BMP2K: variants seen among roughly 807,000 people sequenced by gnomAD.
BMP2K encodes BMP-2-inducible protein kinase.
BMP2K carries 74 observed loss-of-function variants against 116.0 expected under a neutral mutation model. The ratio of observed to expected loss-of-function variants is 0.64; its 90% CI spans 0.53 to 0.77. The LOEUF (loss-of-function observed/expected upper bound fraction) is 0.77, where lower values mean the gene tolerates loss of function less well. BMP2K is among the 30% of genes least tolerant of loss of function. The probability of loss-of-function intolerance (pLI) is 0.00; values close to 1 mark genes in which losing one functional copy is unlikely to be tolerated. For missense variants in BMP2K, 1,365 were observed against 1,403.6 expected, an observed-to-expected ratio of 0.97 and a Z score of 0.44; for synonymous variants, 486 against 502.5, an observed-to-expected ratio of 0.97 and a Z score of 0.44.
intron 1 of BMP2K, among the ~76,000 whole-genome samples, chr4:78,802,089 G>A (rs1255724279): frequency 1.3e-5 from 2 of 152,194 alleles, no homozygotes; most frequent in Non-Finnish European, 1.5e-5. Flanking sequence ...AGTTTTGCTC[G>A]ATATAGACTT....
intron 5 of BMP2K, among the ~76,000 whole-genome samples, chr4:78,846,045 A>T (rs1325563913): frequency 1.3e-5 from 2 of 151,676 alleles, no homozygotes; most frequent in Admixed American, 6.6e-5. Flanking sequence ...TAATTTTAAA[A>T]ATTTATTGGA....
At chr4:78,808,431 A>G (rs1728928142) in intron 1 of BMP2K, among the ~76,000 whole-genome samples, 1 of 151,914 alleles carries the variant, frequency 6.6e-6, no homozygotes, top group East Asian at 1.9e-4. Flanking sequence ...GCACCCGGCT[A>G]ATTTTTTTTA....
intron 1 of BMP2K, among the ~76,000 whole-genome samples, chr4:78,819,984 G>T (rs753278368): frequency 6.6e-6 from 1 of 152,084 alleles, no homozygotes; most frequent in South Asian, 2.1e-4. Flanking sequence ...TAATAGTAGG[G>T]TGTGGATTCT....
Position 78,869,621 on chromosome 4 carries a change from A to G in BMP2K, c.1232-1162A>G, listed in dbSNP as rs1177343141. Among the ~76,000 whole-genome samples the G allele has an allele frequency of 6.6e-5, 10 of 152,166 alleles. No homozygotes were observed. In the East Asian group the frequency reaches 1.7e-3, roughly 26 times the overall value. ...GCAAAATATGTATCAAAACATCAATATGTACTCCATGAATATGTACAATTA... is the reference window on the plus strand; with the variant it reads ...GCAAAATATGTATCAAAACATCAATGTGTACTCCATGAATATGTACAATTA... On this transcript the variant is annotated intron_variant, in intron 10 of 15. Transcript: ENST00000502613.
intron 9 of BMP2K, among the ~76,000 whole-genome samples, chr4:78,864,516 A>G (rs2110050098): frequency 6.6e-6 from 1 of 151,432 alleles, no homozygotes; most frequent in East Asian, 1.9e-4. Flanking sequence ...CTTTCAGAAA[A>G]CGGCATACAT....
chr4:78,792,882 T>C (rs954355413), intron 1 of BMP2K, among the ~76,000 whole-genome samples: 9 of 152,236 alleles, frequency 5.9e-5, no homozygotes, highest in East Asian at 3.8e-4. Flanking sequence ...TTCATAGTTA[T>C]CTGAAAAGAC....
intron 1 of BMP2K, among the ~76,000 whole-genome samples, chr4:78,821,332 G>A (rs879422561): frequency 2.0e-5 from 3 of 152,116 alleles, no homozygotes; most frequent in Non-Finnish European, 4.4e-5. Context: ...TAAATTGTGT[G>A]ACTCCCACAT....
chr4:78,867,536 G>A (rs1732115749), intron 10 of BMP2K, among the ~76,000 whole-genome samples: 1 of 151,644 alleles, frequency 6.6e-6, no homozygotes, highest in Non-Finnish European at 1.5e-5. Flanking sequence ...CCCCCAATAA[G>A]TGCATTTTTT....
intron 3 of BMP2K, among the ~76,000 whole-genome samples, chr4:78,840,542 G>A (rs1026574318): frequency 1.3e-5 from 2 of 152,064 alleles, no homozygotes; most frequent in African/African-American, 4.8e-5. Context: ...AGTTGCAACC[G>A]ACGTTTAAAG....
At chr4:78,778,809 A>T (rs1727366184) in intron 1 of BMP2K, among the ~76,000 whole-genome samples, 1 of 152,234 alleles carries the variant, frequency 6.6e-6, no homozygotes, top group African/African-American at 2.4e-5. Context: ...TGATCATAAG[A>T]TTGGGTCATG....
intron 15 of BMP2K, among the ~76,000 whole-genome samples, chr4:78,904,672 G>A (rs913066717): frequency 6.6e-6 from 1 of 151,894 alleles, no homozygotes; most frequent in Non-Finnish European, 1.5e-5. Flanking sequence ...TTTTCAGATA[G>A]TAGAATTCAG....
chr4:78,856,984 T>C (rs1560531234), intron 7 of BMP2K, among the ~76,000 whole-genome samples: 3 of 152,234 alleles, frequency 2.0e-5, no homozygotes, highest in Admixed American at 6.5e-5. Context: ...CTGGGGAGAA[T>C]GAGTTATAGT....
At chr4:78,822,481 A>G (rs891110805) in intron 1 of BMP2K, among the ~76,000 whole-genome samples, 5 of 152,180 alleles carry the variant, frequency 3.3e-5, no homozygotes, top group Non-Finnish European at 7.4e-5. Flanking sequence ...ATTTACTTTT[A>G]TAAATACACA....
At chr4:78,828,641 G>C (rs1405288622) in intron 2 of BMP2K, among the ~76,000 whole-genome samples, 3 of 152,186 alleles carry the variant, frequency 2.0e-5, no homozygotes, top group Non-Finnish European at 4.4e-5. Context: ...ACTGTGACTA[G>C]GGCTTTGGGA....
intron 11 of BMP2K, among the ~76,000 whole-genome samples, 186 bp downstream of exon 11, chr4:78,871,246 G>C (rs7682144): frequency 0.17 from 26,053 of 152,092 alleles, 4,552 homozygotes; most frequent in African/African-American, 0.45. Flanking sequence ...TAAGAATACT[G>C]TAAAATAGGT....
chr4:78,801,874 A>G (rs1728585077), intron 1 of BMP2K, among the ~76,000 whole-genome samples: 1 of 152,186 alleles, frequency 6.6e-6, no homozygotes, highest in Non-Finnish European at 1.5e-5. Context: ...CTTTTTAAAA[A>G]ATCTACAGTT....
intron 5 of BMP2K, among the ~76,000 whole-genome samples, chr4:78,845,734 A>G (rs972193584): frequency 1.3e-5 from 2 of 151,692 alleles, no homozygotes; most frequent in African/African-American, 4.8e-5. Context: ...GACTTTCTAA[A>G]TAGTTAACCT....
chr4:78,813,636 A>G (rs766507534), intron 1 of BMP2K, among the ~76,000 whole-genome samples: 1 of 152,090 alleles, frequency 6.6e-6, no homozygotes, highest in Non-Finnish European at 1.5e-5. Context: ...TTTACCTGGA[A>G]TGTACTTGCC....
intron 13 of BMP2K, among the ~76,000 whole-genome samples, chr4:78,877,211 C>G (rs1326594617): frequency 6.6e-6 from 1 of 151,958 alleles, no homozygotes; most frequent in Non-Finnish European, 1.5e-5. Context: ...TCTTAGAACA[C>G]ACTAAATTTA....
Sources: allele counts gnomAD v4.1 joint callset (sites outside exome capture counted in the v4.1 genomes callset), GRCh38; gene constraint gnomAD v4.1.1; transcripts MANE v1.5; gene names NCBI Gene and HGNC (gene_info 2026-07-23, HGNC 2026-07-21).